Variants in PARP12 observed in about 807,000 individuals in gnomAD.
PARP12 encodes poly(ADP-ribose) polymerase family member 12.
A neutral mutation model predicts 72.4 loss-of-function variants in PARP12; 59 were observed. The observed-to-expected ratio is 0.81, with a 90% confidence interval of 0.66 to 1.01. The LOEUF is 1.01. PARP12 is among the 50% of genes least tolerant of loss of function. The pLI, the probability that PARP12 is intolerant of heterozygous loss-of-function variation, is 0.00. For missense variants in PARP12, 851 were observed against 914.0 expected (o/e 0.93, Z 0.89); for synonymous variants, 403 against 371.4 (o/e 1.09, Z -0.98).
chr7:140,056,748 C>G, intron 3 of PARP12, 108 bp downstream of exon 3: 1 of 1,209,522 alleles, frequency 8.3e-7, no homozygotes. Context: ...CAGCACCAGA[C>G]TTGCCCAAAG....
chr7:140,027,075 C>T (rs991485449), intron 10 of PARP12, among the ~76,000 whole-genome samples: 7 of 152,290 alleles, frequency 4.6e-5, no homozygotes, highest in East Asian at 1.9e-4. Context: ...CAGGAAGCCT[C>T]GGTGCCCTCA....
chr7:140,029,912 G>A (rs1301534424), intron 8 of PARP12, among the ~76,000 whole-genome samples: 1 of 152,210 alleles, frequency 6.6e-6, no homozygotes, highest in African/African-American at 2.4e-5. Context: ...ATGGAGAACA[G>A]TGAGAACTTG....
At chr7:140,027,221 C>T in intron 10 of PARP12, 55 bp downstream of exon 10, 1 of 1,588,336 alleles carries the variant, frequency 6.3e-7, no homozygotes, top group Non-Finnish European at 8.6e-7. Context: ...TGGCAACCAG[C>T]CAGTGGTGTG....
intron 6 of PARP12, 61 bp from the exon 7 acceptor site, chr7:140,037,917 G>A: frequency 1.9e-6 from 3 of 1,571,736 alleles, no homozygotes; most frequent in Non-Finnish European, 2.6e-6. Flanking sequence ...GAAAAACGCT[G>A]GTGGCACCCA....
chr7:140,025,648 G>T (rs1815709818), intron 11 of PARP12: 3 of 408,634 alleles, frequency 7.3e-6, no homozygotes, highest in Non-Finnish European at 1.5e-5. Context: ...TAAAACCAAT[G>T]AACGCAGGTA....
rs34674660 is a variant in PARP12, at chr7:140,061,983, C to CGGGG, written c.326+535_326+538dup. 2.1e-4 allele frequency among the ~76,000 whole-genome samples: 19 copies of CGGGG among 89,938 alleles called. No individual in the cohort carries two copies. In the South Asian group the frequency reaches 2.7e-3, roughly 13 times the overall value. 59.0% of individuals were successfully genotyped at this position (89,938 alleles called of 152,430 possible). On this transcript the variant is annotated intron_variant, in intron 1 of 11. Transcript: ENST00000263549. ...AAATGCCCAGGCTCCCAGAAATGCC[C>CGGGG]GGGGGGGGGGGGGTGTTCCAGTCAC...
In PARP12 at chr7:140,027,247, C is replaced by G. The variant is rs141337293; in HGVS notation, c.1628+29G>C. ...CAGTGGTGTGAAGGGACAGAGTCAC[C>G]AGCCCACCAAGAGCGAGCCCCAACG... On this transcript the variant is annotated intron_variant, in intron 10 of 11. Transcript: ENST00000263549. 454 of 1,606,524 alleles carry G rather than the reference C, an allele frequency of 2.8e-4. 4 individuals are homozygous for G. The East Asian group carries it at 9.1e-3, about 32-fold the overall frequency.
chr7:140,027,482 G>A, intron 9 of PARP12, 76 bp from the exon 10 acceptor site: 1 of 1,557,344 alleles, frequency 6.4e-7, no homozygotes, highest in South Asian at 1.1e-5. Flanking sequence ...AAAGCTTCTT[G>A]TAAACACTAG....
chr7:140,060,425 G>C (rs932013423), intron 1 of PARP12, among the ~76,000 whole-genome samples: 1 of 152,202 alleles, frequency 6.6e-6, no homozygotes, highest in Non-Finnish European at 1.5e-5. Context: ...AAGCAGAAAA[G>C]TGCAGCCAAC....
intron 10 of PARP12, 36 bp downstream of exon 10, chr7:140,027,240 G>A (rs751038813): frequency 2.5e-6 from 4 of 1,604,618 alleles, no homozygotes; most frequent in African/African-American, 1.3e-5. Flanking sequence ...TGAAGGGACA[G>A]AGTCACCAGC....
In PARP12 at chr7:140,037,255, C is replaced by T. The variant is rs553289629; in HGVS notation, c.1324+460G>A. ...ACGAGAATCACTTGAACCCGGGAGG[C>T]GGAGGTTGCAGTGAGCCAAGATCAC... On this transcript the variant is annotated intron_variant, in intron 7 of 11. Transcript: ENST00000263549. Among the ~76,000 whole-genome samples, 604 of 152,300 alleles carry T rather than the reference C, an allele frequency of 4.0e-3. 5 individuals carry two copies. The highest frequency in any genetic ancestry group is 0.014 in the African/African-American group (573 of 41,558).
Position 140,046,732 on chromosome 7 carries a change from G to A in PARP12, c.986+152C>T, listed in dbSNP as rs994776082. On this transcript the variant is annotated intron_variant, in intron 5 of 11. Transcript: ENST00000263549. Reference sequence around the variant, plus strand: ...ACTAGGTGGCTCACAGTGTGTGTGTGTGTGTGTGTGTGTGTGTGTGTGTGT... The same window carrying A: ...ACTAGGTGGCTCACAGTGTGTGTGTATGTGTGTGTGTGTGTGTGTGTGTGT... 1.9e-5 allele frequency: 14 copies of A among 743,434 alleles called. No homozygotes were observed. The African/African-American group carries it at 2.2e-4, about 12-fold the overall frequency. 46.1% of individuals were successfully genotyped at this position (743,434 alleles called of 1,614,324 possible). A position where few individuals can be genotyped will look rare whatever the true frequency, so the allele number is the denominator to read the frequency against.
At chr7:140,054,582 G>A (rs1817104582) in intron 4 of PARP12, 80 bp downstream of exon 4, 3 of 1,204,718 alleles carry the variant, frequency 2.5e-6, no homozygotes, top group Admixed American at 3.5e-5. Context: ...TTGGTAGGGG[G>A]TGACTTCAGA....
chr7:140,031,294 GC>G (rs1263233711), intron 8 of PARP12, among the ~76,000 whole-genome samples: 1 of 152,026 alleles, frequency 6.6e-6, no homozygotes, highest in Non-Finnish European at 1.5e-5. Context: ...GATTGCTTGA[GC>G]CCGGGAGGTG....
At chr7:140,046,055 T>C (rs768742377) in intron 5 of PARP12, among the ~76,000 whole-genome samples, 3 of 152,232 alleles carry the variant, frequency 2.0e-5, no homozygotes, top group Admixed American at 6.5e-5. Context: ...ATCAGAATGC[T>C]GGCTACACAA....
chr7:140,054,977 G>A (rs543912480), intron 3 of PARP12, among the ~76,000 whole-genome samples: 1 of 152,292 alleles, frequency 6.6e-6, no homozygotes, highest in Non-Finnish European at 1.5e-5. Flanking sequence ...GCCAGATCCA[G>A]GACTCCATGA....
Position 140,024,473 on chromosome 7 carries a change from A to T in PARP12, c.*87T>A. The T allele has an allele frequency of 1.5e-6, 2 of 1,314,518 alleles. No individual in the cohort carries two copies. The highest frequency in any genetic ancestry group is 2.2e-6 in the Non-Finnish European group (2 of 926,748). The allele number at this position is 1,314,518 out of a possible 1,614,324, so 81.4% of individuals were successfully genotyped here. ...GTCAATGTTAAGAGAACAGTTCATT[A>T]AAAGTTTCTGTTTAAAAAGAAAAGG... On this transcript the variant is annotated 3_prime_UTR_variant, in exon 12 of 12. Transcript: ENST00000263549.
intron 4 of PARP12, among the ~76,000 whole-genome samples, chr7:140,048,048 C>G (rs1020149416): frequency 1.3e-5 from 2 of 152,220 alleles, no homozygotes; most frequent in African/African-American, 4.8e-5. Context: ...ATATCACTCT[C>G]TGTGTGGCAG....
chr7:140,026,453 T>C lies in PARP12; in HGVS notation c.1629-105A>G, dbSNP rs550721279. ...TTTTTCCAAAATTCCAAAAGTGTCC[T>C]GGGACCAAGAGACGCAGGTCACAGG... On this transcript the variant is annotated intron_variant, in intron 10 of 11. Coordinates refer to ENST00000263549, the MANE Select transcript of PARP12 (RefSeq NM_022750.4). 5 of 1,480,354 alleles carry C rather than the reference T, an allele frequency of 3.4e-6. No individual in the cohort carries two copies. In the South Asian group the frequency reaches 6.6e-5, roughly 19 times the overall value. 91.7% of individuals were successfully genotyped at this position (1,480,354 alleles called of 1,614,324 possible). A position where few individuals can be genotyped will look rare whatever the true frequency, so the allele number is the denominator to read the frequency against.
Sources: gnomAD v4.1 joint callset for allele counts (sites outside exome capture counted in the v4.1 genomes callset) on GRCh38, gnomAD v4.1.1 for gene constraint, MANE v1.5 for transcripts, NCBI Gene and HGNC (gene_info 2026-07-23, HGNC 2026-07-21) for gene names.